The following PPT1 variants were observed in gnomAD, a reference collection of about 807,000 sequenced individuals.
PPT1 encodes palmitoyl-protein thioesterase 1.
In PPT1, 24 loss-of-function variants were observed where a neutral mutation model predicts 44.0. That is an observed-to-expected ratio of 0.54 (90% CI 0.39 to 0.77). PPT1 has a LOEUF of 0.77. Among genes scored for constraint, PPT1 ranks in the 30% least tolerant of loss-of-function variants. The pLI is 0.00. For synonymous variants in PPT1, 148 were observed against 140.2 expected, an observed-to-expected ratio of 1.06 and a Z score of -0.39; for missense variants, 341 against 378.8, an observed-to-expected ratio of 0.90 and a Z score of 0.83.
intron 1 of PPT1, among the ~76,000 whole-genome samples, chr1:40,092,918 T>C (rs1272693731): frequency 6.6e-6 from 1 of 152,184 alleles, no homozygotes; most frequent in Non-Finnish European, 1.5e-5. Flanking sequence ...CCCTTGGACA[T>C]TGCTGGTGGG....
At chr1:40,095,884 C>CAAAAAGTTCCCCATGACACTCTAGCCA (rs1649816039) in intron 1 of PPT1, among the ~76,000 whole-genome samples, 1 of 152,150 alleles carries the variant, frequency 6.6e-6, no homozygotes, top group African/African-American at 2.4e-5. Context: ...CTCATCTGCT[C>CAAAAAGTTCCCCATGACACTCTAGCCA]AAAAAGTTCC....
intron 5 of PPT1, among the ~76,000 whole-genome samples, chr1:40,088,795 A>C (rs1347206597): frequency 6.6e-6 from 1 of 152,222 alleles, no homozygotes; most frequent in Non-Finnish European, 1.5e-5. Context: ...TGTCCTCTAA[A>C]TACCAACAAT....
At chr1:40,097,021 C>A in intron 1 of PPT1, 94 bp downstream of exon 1, 4 of 1,607,142 alleles carry the variant, frequency 2.5e-6, no homozygotes, top group Non-Finnish European at 3.4e-6. Flanking sequence ...TGTGGGACCA[C>A]GTCCTCGCCC....
In PPT1 at chr1:40,089,474, G is replaced by A. The variant is rs754525635; in HGVS notation, c.472C>T (p.His158Tyr). 4 of 1,613,894 alleles carry A rather than the reference G, an allele frequency of 2.5e-6. No individual in the cohort carries two copies. The African/African-American group carries it at 4.0e-5, about 16-fold the overall frequency. ...GLPRCPGESS[H>Y]ICDFIRKTLN... Reference sequence around the variant, plus strand: ...GTTTTTCGGATGAAGTCACAGATGTGAGAGCTCTCTCCTGGGCATCGAGGG... The same window carrying A: ...GTTTTTCGGATGAAGTCACAGATGTAAGAGCTCTCTCCTGGGCATCGAGGG... The change falls in exon 5 of 9, where the codon CAC (histidine) becomes TAC (tyrosine). Residue 158 changes from histidine (H) to tyrosine (Y), a missense_variant. By Grantham distance (83) the His-to-Tyr change is moderately conservative. Coordinates refer to ENST00000642050, the MANE Select transcript of PPT1 (RefSeq NM_000310.4).
rs1357079147 is a variant in PPT1 at position 40,073,169 on chromosome 1, G to C, written c.*892C>G. ...CAGTTTGGAGTATGCTGGTAAATGT[G>C]TTTTGGGGATGGAAGTCAGAAAGCC... On this transcript the variant is annotated 3_prime_UTR_variant, in exon 9 of 9. Transcript: ENST00000642050. 1 of 152,166 alleles carries C rather than the reference G, an allele frequency of 6.6e-6. No homozygotes were observed. Among genetic ancestry groups the C allele is most frequent in the African/African-American group, 2.4e-5 (1 of 41,444 alleles). The allele number at this position is 152,166 out of a possible 1,614,324, so 9.4% of individuals were successfully genotyped here. A position where few individuals can be genotyped will look rare whatever the true frequency, so the allele number is the denominator to read the frequency against.
Position 40,092,128 on chromosome 1 carries a change from T to A in PPT1, c.279A>T (p.Thr93=). 1 of 1,614,118 alleles carries A rather than the reference T, an allele frequency of 6.2e-7. No individual in the cohort carries two copies. The highest frequency in any genetic ancestry group is 8.5e-7 in the Non-Finnish European group (1 of 1,179,940). The part of the protein sequence containing the change: ...SFFLNVNSQV[T]TVCQALAKDP... The stretch of plus-strand genomic sequence containing the variant: ...CCTTAGCAAGTGCCTGACACACTGT[T>A]GTTACTTGGGAATTGACATTCAAGA... Residue 93 remains threonine, a synonymous_variant, in exon 3 of 9, where the codon ACA becomes ACT. Coordinates refer to ENST00000642050, the MANE Select transcript of PPT1 (RefSeq NM_000310.4).
rs191883166 is a variant in PPT1 at position 40,096,752 on chromosome 1, T to G, written c.124+363A>C. 1.5e-3 allele frequency: 418 copies of G among 282,488 alleles called. 1 individual carries two copies. The highest frequency in any genetic ancestry group is 8.6e-3 in the African/African-American group (392 of 45,400). The allele number at this position is 282,488 out of a possible 1,614,324, so 17.5% of individuals were successfully genotyped here. A position where few individuals can be genotyped will look rare whatever the true frequency, so the allele number is the denominator to read the frequency against. ...GTGCCTAACAAATCTCTGTTCAATG[T>G]GTGAAGGAATAAATAAAAGGGTAGA... is the stretch of plus-strand genomic sequence containing the variant. On this transcript the variant is annotated intron_variant, in intron 1 of 8. Transcript: ENST00000642050.
intron 4 of PPT1, 107 bp downstream of exon 4, chr1:40,091,222 C>G (rs1448410745): frequency 8.5e-7 from 1 of 1,176,282 alleles, no homozygotes; most frequent in East Asian, 2.5e-5. Flanking sequence ...CAGGATTTTG[C>G]AAGAATGGCT....
chr1:40,072,074 A>G (rs374131591), downstream of PPT1: 3 of 402,412 alleles, frequency 7.5e-6, no homozygotes, highest in East Asian at 7.1e-5. Flanking sequence ...ATTGTTTCCT[A>G]TAAGCATTCC....
downstream of PPT1, chr1:40,072,317 T>G (rs1435000586): frequency 1.1e-5 from 4 of 365,178 alleles, no homozygotes; most frequent in African/African-American, 8.4e-5. Flanking sequence ...CCTTCTTCCC[T>G]GCCAGGTGCC....
At chr1:40,076,956 G>T (rs960797984) in intron 7 of PPT1, 43 bp from the exon 8 acceptor site, 27 of 1,603,162 alleles carry the variant, frequency 1.7e-5, no homozygotes, top group Non-Finnish European at 2.2e-5. Flanking sequence ...ATGACACACA[G>T]CACATACTGC....
downstream of PPT1, chr1:40,071,637 G>A: frequency 2.7e-6 from 2 of 740,842 alleles, no homozygotes; most frequent in Admixed American, 2.4e-5. Flanking sequence ...TCTTAAAACT[G>A]CTTCTCTGCT....
chr1:40,077,731 T>C (rs1385678910), intron 7 of PPT1, among the ~76,000 whole-genome samples: 1 of 152,146 alleles, frequency 6.6e-6, no homozygotes, highest in East Asian at 1.9e-4. Flanking sequence ...CATCCTTGCC[T>C]TGACAGACGA....
intron 1 of PPT1, among the ~76,000 whole-genome samples, chr1:40,093,121 C>A (rs758663352): frequency 6.6e-6 from 1 of 152,146 alleles, no homozygotes; most frequent in Non-Finnish European, 1.5e-5. Flanking sequence ...GAGAAACAAT[C>A]CAGCAGTCCA....
intron 1 of PPT1, chr1:40,093,950 TG>T: frequency 1.4e-6 from 1 of 714,818 alleles, no homozygotes; most frequent in Non-Finnish European, 2.6e-6. Context: ...CCCAGCGCTT[TG>T]GTAAGACGAG....
In PPT1 at chr1:40,089,436, C is replaced by T; in HGVS notation, c.510G>A (p.Gly170=). ...GTTCCTGAACAACTTTGGAGTACGC[C>T]CCAGCATTCAGTGTTTTTCGGATGA... ...CDFIRKTLNA[G]AYSKVVQERL... is the part of the protein sequence containing the mutation. The change falls in exon 5 of 9, where the codon GGG becomes GGA. Residue 170 remains glycine, a synonymous_variant. Coordinates refer to ENST00000642050, the MANE Select transcript of PPT1 (RefSeq NM_000310.4). The T allele has an allele frequency of 6.2e-7, 1 of 1,614,008 alleles. No individual in the cohort carries two copies. The highest frequency in any genetic ancestry group is 8.5e-7 in the Non-Finnish European group (1 of 1,180,006).
intron 1 of PPT1, chr1:40,094,036 A>T: frequency 1.4e-6 from 1 of 697,842 alleles, no homozygotes; most frequent in Non-Finnish European, 2.6e-6. Flanking sequence ...CAAAAAAACC[A>T]AAAAGCCCAT....
chr1:40,080,146 A>G (rs1016748851), intron 6 of PPT1, among the ~76,000 whole-genome samples: 15 of 152,190 alleles, frequency 9.9e-5, no homozygotes. Flanking sequence ...CCCAGTCAGC[A>G]ACCTGCCGAG....
Position 40,092,492 on chromosome 1 carries a change from T to C in PPT1, c.140A>G (p.Asn47Ser). 1.9e-6 allele frequency: 3 copies of C among 1,612,284 alleles called. No homozygotes were observed. Among genetic ancestry groups the C allele is most frequent in the African/African-American group, 1.3e-5 (1 of 75,014 alleles). Residue 47 changes from asparagine to serine, a missense_variant, in exon 2 of 9, where the codon AAT becomes AGT. Asn to Ser is a conservative substitution (Grantham distance 46, BLOSUM62 1). Coordinates refer to ENST00000642050, the MANE Select transcript of PPT1 (RefSeq NM_000310.4). Reference sequence around the variant, plus strand: ...TTTAATAGCACCCATGCTTAAGGGATTGCAACAGCTGTCTCCTAGCCAACA... The same window carrying C: ...TTTAATAGCACCCATGCTTAAGGGACTGCAACAGCTGTCTCCTAGCCAACA... ...IWHGMGDSCC[N>S]PLSMGAIKKM...
Sources: gnomAD v4.1 joint callset for allele counts (sites outside exome capture counted in the v4.1 genomes callset) on GRCh38, gnomAD v4.1.1 for gene constraint, MANE v1.5 for transcripts, NCBI Gene and HGNC (gene_info 2026-07-23, HGNC 2026-07-21) for gene names.